The following NLRC4 variants were observed in gnomAD, a reference collection of about 807,000 sequenced individuals.
The protein encoded by NLRC4 is NLR family CARD domain containing 4, also known as NLR family CARD domain-containing protein 4.
In NLRC4, 63 loss-of-function variants were observed where a neutral mutation model predicts 79.9. That is an observed-to-expected ratio of 0.79 (90% CI 0.64 to 0.97). The LOEUF is 0.97. NLRC4 is among the 50% of genes least tolerant of loss of function. The probability of loss-of-function intolerance (pLI) is 0.00; values close to 1 mark genes in which losing one functional copy is unlikely to be tolerated. For synonymous variants in NLRC4, 461 were observed against 456.5 expected, an observed-to-expected ratio of 1.01 and a Z score of -0.12; for missense variants, 1,074 against 1,215.2, an observed-to-expected ratio of 0.88 and a Z score of 1.73.
chr2:32,251,140 T>A lies in NLRC4; in HGVS notation c.724A>T (p.Arg242Trp). 1.9e-6 allele frequency: 3 copies of A among 1,614,196 alleles called. No individual in the cohort carries two copies. The highest frequency in any genetic ancestry group is 2.5e-6 in the Non-Finnish European group (3 of 1,180,020). Residue 242 changes from arginine (R) to tryptophan (W), a missense_variant, in exon 4 of 9, where the codon AGG (arginine) becomes TGG (tryptophan). Coordinates refer to ENST00000402280, the MANE Select transcript of NLRC4 (RefSeq NM_001199138.2). ...FMAMLLKLRQ[R>W]VLFLLDGYNE... ...TAGCCATCAAGAAGGAAAAGAACCC[T>A]CTGCCGCAGCTTCAGCAGCATGGCC...
At chr2:32,238,030 T>A in intron 6 of NLRC4, 102 bp downstream of exon 6, 1 of 844,586 alleles carries the variant, frequency 1.2e-6, no homozygotes, top group Non-Finnish European at 1.7e-6. Context: ...CCAGTTTTCC[T>A]TAAAATTAAA....
chr2:32,250,403 A>G lies in NLRC4; in HGVS notation c.1461T>C (p.Tyr487=), dbSNP rs769140901. Residue 487 remains tyrosine (Y), a synonymous_variant, in exon 4 of 9, where the codon TAT becomes TAC. Coordinates refer to ENST00000402280, the MANE Select transcript of NLRC4 (RefSeq NM_001199138.2). This position sits in a 1 kb window ranked among gnomAD's most constrained non-coding sequence, Gnocchi z 4.9. ...MVSISDITST[Y]SSLLRYTCGS... is the part of the protein sequence containing the mutation. ...CACAGGTGTACCGGAGCAGGCTGCTATAAGTGGATGTAATGTCCGAAATGG... is the reference window on the plus strand; with the variant it reads ...CACAGGTGTACCGGAGCAGGCTGCTGTAAGTGGATGTAATGTCCGAAATGG... 10 of 1,614,106 alleles carry G rather than the reference A, an allele frequency of 6.2e-6. No homozygotes were observed. The East Asian group carries it at 8.9e-5, about 14-fold the overall frequency.
In NLRC4 at chr2:32,248,079, G is replaced by A. The variant is rs181334455; in HGVS notation, c.2257+1528C>T. 3.0e-4 allele frequency among the ~76,000 whole-genome samples: 46 copies of A among 152,142 alleles called. 2 individuals are homozygous for A. The highest frequency in any genetic ancestry group is 1.5e-5 in the Non-Finnish European group (1 of 68,004). ...TAATGGTGGTTACACTAAAAGCTCAGATTTCACCACCACGAAATATATCGA... is the reference window on the plus strand; with the variant it reads ...TAATGGTGGTTACACTAAAAGCTCAAATTTCACCACCACGAAATATATCGA... On this transcript the variant is annotated intron_variant, in intron 4 of 8. Transcript: ENST00000402280.
intron 8 of NLRC4, among the ~76,000 whole-genome samples, chr2:32,234,109 C>T (rs1031263205): frequency 1.2e-4 from 18 of 152,084 alleles, no homozygotes; most frequent in African/African-American, 1.7e-4. Flanking sequence ...GGGCCGGGTG[C>T]GGTGGCTCAA....
chr2:32,232,467 T>G (rs1686560671), intron 8 of NLRC4, among the ~76,000 whole-genome samples: 1 of 152,188 alleles, frequency 6.6e-6, no homozygotes. Flanking sequence ...CTACTATATT[T>G]CATTTCATAC....
At chr2:32,232,613 G>T (rs1216798154) in intron 8 of NLRC4, among the ~76,000 whole-genome samples, 1 of 152,134 alleles carries the variant, frequency 6.6e-6, no homozygotes, top group Non-Finnish European at 1.5e-5. Context: ...GTCATTGCCT[G>T]AATTGACTCA....
chr2:32,233,882 C>T (rs923758711), intron 8 of NLRC4, among the ~76,000 whole-genome samples: 2 of 151,992 alleles, frequency 1.3e-5, no homozygotes, highest in African/African-American at 4.8e-5. Context: ...AATGGGGTGT[C>T]GAGTCTCCAG....
At chr2:32,246,471 T>G (rs1253993729) in intron 4 of NLRC4, among the ~76,000 whole-genome samples, 1 of 152,258 alleles carries the variant, frequency 6.6e-6, no homozygotes, top group Non-Finnish European at 1.5e-5. Context: ...AGGAAATTTC[T>G]CTGTAGGGTG....
At chr2:32,244,767 C>T (rs1259775467) in intron 4 of NLRC4, among the ~76,000 whole-genome samples, 1 of 150,532 alleles carries the variant, frequency 6.6e-6, no homozygotes, top group Non-Finnish European at 1.5e-5. Flanking sequence ...CACTTGAGCC[C>T]AGGAGTTCAA....
At chr2:32,263,813 T>G (rs1687405837) in intron 1 of NLRC4, among the ~76,000 whole-genome samples, 1 of 152,164 alleles carries the variant, frequency 6.6e-6, no homozygotes, top group Non-Finnish European at 1.5e-5. Context: ...CGACTAATAT[T>G]ATAAAAGTGT....
At chr2:32,226,981 T>A (rs1364931905) in intron 8 of NLRC4, among the ~76,000 whole-genome samples, 1 of 152,204 alleles carries the variant, frequency 6.6e-6, no homozygotes, top group Non-Finnish European at 1.5e-5. Flanking sequence ...ATATGGCCAC[T>A]CATATCCCAA....
chr2:32,234,335 T>C (rs2148933127), intron 8 of NLRC4, among the ~76,000 whole-genome samples: 1 of 151,982 alleles, frequency 6.6e-6, no homozygotes, highest in East Asian at 1.9e-4. Flanking sequence ...TGAGCTAAGA[T>C]TGCGCAACTG....
intron 4 of NLRC4, among the ~76,000 whole-genome samples, chr2:32,243,029 C>G (rs1471590707): frequency 6.6e-6 from 1 of 150,682 alleles, no homozygotes; most frequent in Non-Finnish European, 1.5e-5. Flanking sequence ...GCCTTGGTGA[C>G]AGAATGAGAC....
intron 6 of NLRC4, among the ~76,000 whole-genome samples, chr2:32,237,654 C>T (rs542460240): frequency 5.9e-5 from 9 of 152,254 alleles, no homozygotes; most frequent in African/African-American, 1.9e-4. Context: ...TTAGTTTCCC[C>T]GTAGTTGATA....
At chr2:32,256,029 T>C (rs74573806) in intron 2 of NLRC4, among the ~76,000 whole-genome samples, 2 of 151,372 alleles carry the variant, frequency 1.3e-5, no homozygotes, top group African/African-American at 4.9e-5. Context: ...AAAAAAAAAA[T>C]TTACAAAAAA....
At chr2:32,229,478 CAA>C (rs1686481920) in intron 8 of NLRC4, among the ~76,000 whole-genome samples, 2 of 151,868 alleles carry the variant, frequency 1.3e-5, no homozygotes, top group Non-Finnish European at 2.9e-5. Flanking sequence ...TGGAACAAAA[CAA>C]ACAAAAAAAC....
intron 1 of NLRC4, among the ~76,000 whole-genome samples, chr2:32,258,886 C>G (rs1687270979): frequency 6.6e-6 from 1 of 152,092 alleles, no homozygotes. Context: ...TCCTCATACA[C>G]ACATACACGA....
chr2:32,233,301 T>C (rs1216121181), intron 8 of NLRC4, among the ~76,000 whole-genome samples: 1 of 144,156 alleles, frequency 6.9e-6, no homozygotes, highest in African/African-American at 2.6e-5. Context: ...TCCATTTTCA[T>C]TTGTCTTAAG....
intron 8 of NLRC4, among the ~76,000 whole-genome samples, chr2:32,234,110 G>A (rs956541514): frequency 2.0e-5 from 3 of 152,110 alleles, no homozygotes; most frequent in African/African-American, 4.8e-5. Flanking sequence ...GGCCGGGTGC[G>A]GTGGCTCAAG....
Sources: allele counts gnomAD v4.1 joint callset (sites outside exome capture counted in the v4.1 genomes callset), GRCh38; gene constraint gnomAD v4.1.1; non-coding constraint Gnocchi (gnomAD v3.1); transcripts MANE v1.5; gene names NCBI Gene and HGNC (gene_info 2026-07-23, HGNC 2026-07-21).